Variants in ACSS3 observed in about 807,000 individuals in gnomAD.
The protein encoded by ACSS3 is acyl-CoA synthetase short chain family member 3, also known as acyl-CoA synthetase short-chain family member 3, mitochondrial.
ACSS3 carries 64 observed loss-of-function variants against 84.2 expected under a neutral mutation model. The observed-to-expected ratio is 0.76, with a 90% CI of 0.62 to 0.94. ACSS3 has a LOEUF of 0.94. Ranked by LOEUF, ACSS3 falls within the 40% of genes least tolerant of loss-of-function variation. The probability of loss-of-function intolerance (pLI) is 0.00; values close to 1 mark genes in which losing one functional copy is unlikely to be tolerated. For missense variants in ACSS3, 815 were observed against 867.6 expected (o/e 0.94, Z 0.76); for synonymous variants, 317 against 310.1 (o/e 1.02, Z -0.23).
chr12:81,185,440 A>C (rs2031199388), intron 8 of ACSS3, among the ~76,000 whole-genome samples: 1 of 151,758 alleles, frequency 6.6e-6, no homozygotes, highest in Admixed American at 6.6e-5. Flanking sequence ...ATATGCAAAA[A>C]CCTCCAAAGA....
chr12:81,208,315 G>A (rs567901061), intron 9 of ACSS3, among the ~76,000 whole-genome samples: 1 of 152,210 alleles, frequency 6.6e-6, no homozygotes, highest in South Asian at 2.1e-4. Context: ...AGGCAGAATG[G>A]CAGATTGCCA....
At chr12:81,115,072 T>C (rs1251332405) in intron 2 of ACSS3, among the ~76,000 whole-genome samples, 1 of 152,082 alleles carries the variant, frequency 6.6e-6, no homozygotes, top group Non-Finnish European at 1.5e-5. Flanking sequence ...TTGCAAGAGG[T>C]TGTAGTTTGG....
At chr12:81,184,222 T>A (rs556192957) in intron 8 of ACSS3, among the ~76,000 whole-genome samples, 2 of 151,774 alleles carry the variant, frequency 1.3e-5, no homozygotes, top group African/African-American at 4.8e-5. Flanking sequence ...AAAAGAACAA[T>A]TTAAAAACAT....
intron 5 of ACSS3, 150 bp from the exon 6 acceptor site, chr12:81,151,694 G>C (rs1193121484): frequency 1.6e-6 from 1 of 614,974 alleles, no homozygotes; most frequent in Non-Finnish European, 2.7e-6. Context: ...AAGAAATAAT[G>C]ATTCAAAGAT....
chr12:81,111,312 C>A (rs1296688082), intron 2 of ACSS3, among the ~76,000 whole-genome samples: 1 of 152,120 alleles, frequency 6.6e-6, no homozygotes, highest in Non-Finnish European at 1.5e-5. Flanking sequence ...TCATGCTGAA[C>A]CCCTATTGAC....
At chr12:81,147,554 A>T (rs111710235) in intron 5 of ACSS3, among the ~76,000 whole-genome samples, 2 of 152,210 alleles carry the variant, frequency 1.3e-5, no homozygotes, top group African/African-American at 2.4e-5. Context: ...GACATTTGAC[A>T]CAAATAACAG....
chr12:81,104,366 G>A (rs1307497033), intron 1 of ACSS3, among the ~76,000 whole-genome samples: 1 of 152,136 alleles, frequency 6.6e-6, no homozygotes. Flanking sequence ...TTAGGTGAGT[G>A]CTGTCCTAAT....
intron 11 of ACSS3, among the ~76,000 whole-genome samples, chr12:81,227,000 T>C (rs544358285): frequency 1.5e-3 from 222 of 149,528 alleles, no homozygotes; most frequent in Non-Finnish European, 1.4e-3. Context: ...CATATATATA[T>C]ACATACACAC....
chr12:81,255,023 T>G lies in ACSS3; in HGVS notation c.*101T>G. On this transcript the variant is annotated 3_prime_UTR_variant, in exon 16 of 16. Transcript: ENST00000548058. ...AATAAATATTTCAGTAGAAATTACTTGCAAAATGAAATGTGAATTGTAAAA... is the reference window on the plus strand; with the variant it reads ...AATAAATATTTCAGTAGAAATTACTGGCAAAATGAAATGTGAATTGTAAAA... The G allele has an allele frequency of 9.1e-7, 1 of 1,101,914 alleles. No homozygotes were observed. Among genetic ancestry groups the G allele is most frequent in the Non-Finnish European group, 1.3e-6 (1 of 786,100 alleles). 68.3% of individuals were successfully genotyped at this position (1,101,914 alleles called of 1,614,324 possible). A position where few individuals can be genotyped will look rare whatever the true frequency, so the allele number is the denominator to read the frequency against.
intron 2 of ACSS3, among the ~76,000 whole-genome samples, chr12:81,121,846 G>A (rs1375227989): frequency 2.0e-5 from 3 of 151,834 alleles, no homozygotes; most frequent in Non-Finnish European, 4.4e-5. Context: ...TGACCTTTAC[G>A]TATTCTGCAT....
At chr12:81,213,993 T>C (rs1261789057) in intron 9 of ACSS3, among the ~76,000 whole-genome samples, 1 of 113,690 alleles carries the variant, frequency 8.8e-6, no homozygotes, top group South Asian at 2.9e-4. Context: ...CTTTCTTTCT[T>C]TCTTTCTTTC....
chr12:81,175,459 T>C (rs1468014356), intron 8 of ACSS3, among the ~76,000 whole-genome samples: 1 of 152,114 alleles, frequency 6.6e-6, no homozygotes, highest in Non-Finnish European at 1.5e-5. Context: ...AATAGATGAT[T>C]GAGGCAGAAA....
At chr12:81,166,792 A>G (rs1009108383) in intron 7 of ACSS3, among the ~76,000 whole-genome samples, 1 of 152,172 alleles carries the variant, frequency 6.6e-6, no homozygotes, top group African/African-American at 2.4e-5. Flanking sequence ...TTATGGAGGG[A>G]CCAGGTTTTG....
rs77681927 is a variant in ACSS3 at position 81,078,459 on chromosome 12, C to T, written c.311+28C>T. 801 of 1,605,778 alleles carry T rather than the reference C, an allele frequency of 5.0e-4. 4 individuals carry two copies. In the African/African-American group the frequency reaches 9.8e-3, roughly 20 times the overall value. On this transcript the variant is annotated intron_variant, in intron 1 of 15. Transcript: ENST00000548058. ...GAGTGACTTCTGTGCCAACCCTGAT[C>T]CCCCATCCCTGGTAACTTTTTGGGC...
At chr12:81,180,209 A>G (rs1023483201) in intron 8 of ACSS3, among the ~76,000 whole-genome samples, 4 of 152,176 alleles carry the variant, frequency 2.6e-5, no homozygotes, top group Non-Finnish European at 5.9e-5. Flanking sequence ...GAAGGGAACA[A>G]TAGACACAAG....
rs560428509 is a variant in ACSS3, at chr12:81,158,073, A to G, written c.1098+5977A>G. On this transcript the variant is annotated intron_variant, in intron 7 of 15. Coordinates refer to ENST00000548058, the MANE Select transcript of ACSS3 (RefSeq NM_024560.4). Reference sequence around the variant, plus strand: ...AAATCAGCAATGGCCACATATGGCCATAAAGGGCATCACGAAGGATCCTTG... The same window carrying G: ...AAATCAGCAATGGCCACATATGGCCGTAAAGGGCATCACGAAGGATCCTTG... 1.5e-4 allele frequency among the ~76,000 whole-genome samples: 23 copies of G among 152,244 alleles called. No individual in the cohort carries two copies. In the South Asian group the frequency reaches 4.6e-3, roughly 30 times the overall value.
intron 5 of ACSS3, among the ~76,000 whole-genome samples, chr12:81,146,519 C>G (rs149554557): frequency 6.6e-6 from 1 of 152,256 alleles, no homozygotes; most frequent in East Asian, 1.9e-4. Flanking sequence ...AAATATAAAA[C>G]ACACATAAGG....
chr12:81,216,203 T>G (rs2032908356), intron 9 of ACSS3, among the ~76,000 whole-genome samples: 1 of 151,414 alleles, frequency 6.6e-6, no homozygotes, highest in South Asian at 2.1e-4. Context: ...TTTATTATTA[T>G]TATACTTTAA....
chr12:81,259,345 T>G lies in ACSS3; in HGVS notation c.*4423T>G, dbSNP rs1173989546. 1 of 520,396 alleles carries G rather than the reference T, an allele frequency of 1.9e-6. No homozygotes were observed. Among genetic ancestry groups the G allele is most frequent in the Non-Finnish European group, 3.5e-6 (1 of 284,684 alleles). 32.2% of individuals were successfully genotyped at this position (520,396 alleles called of 1,614,324 possible). On this transcript the variant is annotated 3_prime_UTR_variant, in exon 16 of 16. Transcript: ENST00000548058. Reference sequence around the variant, plus strand: ...TAAGACTTACACATTTAAAAAGAAATGCACGGTAATACATAAATGCCTAGT... The same window carrying G: ...TAAGACTTACACATTTAAAAAGAAAGGCACGGTAATACATAAATGCCTAGT...
Sources: allele counts gnomAD v4.1 joint callset (sites outside exome capture counted in the v4.1 genomes callset), GRCh38; gene constraint gnomAD v4.1.1; transcripts MANE v1.5; gene names NCBI Gene and HGNC (gene_info 2026-07-23, HGNC 2026-07-21).